The following TAFA1 variants were observed in gnomAD, a reference collection of about 807,000 sequenced individuals.
TAFA1 encodes the protein TAFA chemokine like family member 1, also known as chemokine-like protein TAFA-1.
In TAFA1, 4 loss-of-function variants were observed where a neutral mutation model predicts 18.5. The ratio of observed to expected loss-of-function variants is 0.22; its 90% CI spans 0.11 to 0.49. The LOEUF (loss-of-function observed/expected upper bound fraction) is 0.49. TAFA1 is among the 20% of genes least tolerant of loss of function. TAFA1 has a pLI of 0.98. For missense variants in TAFA1, 147 were observed against 169.0 expected (o/e 0.87, Z 0.72); for synonymous variants, 56 against 55.2 (o/e 1.01, Z -0.06).
At chr3:68,376,884 C>G (rs1235428496) in intron 2 of TAFA1, among the ~76,000 whole-genome samples, 1 of 152,148 alleles carries the variant, frequency 6.6e-6, no homozygotes, top group African/African-American at 2.4e-5. Flanking sequence ...CCATGCTATT[C>G]TCATGATAGT....
At chr3:68,305,413 A>C in intron 2 of TAFA1, among the ~76,000 whole-genome samples, 1 of 16,756 alleles carries the variant, frequency 6.0e-5, no homozygotes, top group Non-Finnish European at 1.3e-4. Context: ...ATATGACTAT[A>C]TATATATATA....
chr3:68,265,563 G>A (rs1480966637), intron 2 of TAFA1, among the ~76,000 whole-genome samples: 2 of 152,188 alleles, frequency 1.3e-5, no homozygotes, highest in Admixed American at 1.3e-4. Flanking sequence ...TGTCCCACTA[G>A]GGGAAGGAAC....
intron 2 of TAFA1, among the ~76,000 whole-genome samples, chr3:68,125,360 G>A (rs1281835303): frequency 6.6e-6 from 1 of 152,200 alleles, no homozygotes; most frequent in Non-Finnish European, 1.5e-5. Context: ...CTGCTATTGT[G>A]AATTTTGCTA....
intron 2 of TAFA1, among the ~76,000 whole-genome samples, chr3:68,366,085 CAAA>C (rs35861602): frequency 1.1e-5 from 1 of 93,846 alleles, no homozygotes; most frequent in Non-Finnish European, 2.1e-5. Context: ...GACTCCATCT[CAAA>C]AAAAAAAAAA....
chr3:68,405,582 T>A (rs1318341671), intron 2 of TAFA1, among the ~76,000 whole-genome samples: 3 of 150,894 alleles, frequency 2.0e-5, no homozygotes, highest in African/African-American at 4.9e-5. Context: ...TTCTTGCAGT[T>A]CCAGCTACAT....
chr3:68,171,241 T>C (rs1304923816), intron 2 of TAFA1, among the ~76,000 whole-genome samples: 2 of 138,552 alleles, frequency 1.4e-5, no homozygotes, highest in African/African-American at 2.7e-5. Context: ...ACTGAAATAG[T>C]CATTAATGAC....
intron 2 of TAFA1, among the ~76,000 whole-genome samples, chr3:68,409,000 T>A (rs1329467235): frequency 3.9e-5 from 6 of 152,158 alleles, no homozygotes; most frequent in South Asian, 2.1e-4. Flanking sequence ...CATTATTTTT[T>A]AAAAATCAAA....
At chr3:68,365,154 T>C (rs2069541350) in intron 2 of TAFA1, among the ~76,000 whole-genome samples, 1 of 152,184 alleles carries the variant, frequency 6.6e-6, no homozygotes, top group Admixed American at 6.5e-5. Context: ...GTATACATTG[T>C]ATAATGAATT....
chr3:68,274,926 A>G (rs2313274), intron 2 of TAFA1, among the ~76,000 whole-genome samples: 5,422 of 152,198 alleles, frequency 0.036, 310 homozygotes, highest in African/African-American at 0.12. Flanking sequence ...TTGTTGCAAA[A>G]TTAACATAGA....
At chr3:68,035,494 G>A (rs1303403032) in intron 2 of TAFA1, among the ~76,000 whole-genome samples, 1 of 151,958 alleles carries the variant, frequency 6.6e-6, no homozygotes, top group Non-Finnish European at 1.5e-5. Flanking sequence ...CTATTTCCAA[G>A]TATCTCATCT....
rs1318543970 is a variant in TAFA1, at chr3:68,006,735, C to T, written c.109C>T (p.His37Tyr). 1.1e-5 allele frequency: 17 copies of T among 1,612,390 alleles called. No individual in the cohort carries two copies. Among genetic ancestry groups the T allele is most frequent in the Non-Finnish European group, 1.4e-5 (16 of 1,178,472 alleles). Residue 37 changes from histidine (H) to tyrosine (Y), a missense_variant, in exon 2 of 5, where the codon CAC (histidine) becomes TAC (tyrosine). By Grantham distance (83) the His-to-Tyr change is moderately conservative. Transcript: ENST00000478136. ...LQHTFQQHHL[H>Y]RPEGGTCEVI... Reference sequence around the variant, plus strand: ...GCACACTTTCCAGCAGCATCACCTGCACAGACCAGGTAAGTCAGGAGCTGG... The same window carrying T: ...GCACACTTTCCAGCAGCATCACCTGTACAGACCAGGTAAGTCAGGAGCTGG...
chr3:68,484,097 C>A (rs2072289405), intron 3 of TAFA1, among the ~76,000 whole-genome samples: 1 of 152,252 alleles, frequency 6.6e-6, no homozygotes, highest in Non-Finnish European at 1.5e-5. Flanking sequence ...TACTGCTTTA[C>A]TCCAAATGCA....
intron 2 of TAFA1, among the ~76,000 whole-genome samples, chr3:68,379,128 C>T (rs2069878181): frequency 6.6e-6 from 1 of 152,198 alleles, no homozygotes; most frequent in South Asian, 2.1e-4. Context: ...CTCCCACCAA[C>T]AGAGTATAAG....
chr3:68,351,592 T>A (rs570441468), intron 2 of TAFA1, among the ~76,000 whole-genome samples: 32 of 152,068 alleles, frequency 2.1e-4, no homozygotes, highest in Admixed American at 2.1e-3. Context: ...AATTCCAGCT[T>A]ATATAGCATC....
At chr3:68,056,272 A>G (rs1474988299) in intron 2 of TAFA1, among the ~76,000 whole-genome samples, 1 of 152,142 alleles carries the variant, frequency 6.6e-6, no homozygotes, top group Non-Finnish European at 1.5e-5. Flanking sequence ...TCTGTTTCCT[A>G]GGACCACTTT....
At chr3:68,348,016 A>G (rs2069195029) in intron 2 of TAFA1, among the ~76,000 whole-genome samples, 1 of 152,072 alleles carries the variant, frequency 6.6e-6, no homozygotes, top group African/African-American at 2.4e-5. Flanking sequence ...TGATGCTGCC[A>G]TTTACTAACT....
chr3:68,497,209 C>A (rs1366769361), intron 3 of TAFA1, among the ~76,000 whole-genome samples: 1 of 152,172 alleles, frequency 6.6e-6, no homozygotes, highest in Non-Finnish European at 1.5e-5. Flanking sequence ...GCTTTATCAT[C>A]TCTAAGGCAG....
At position 68,538,794 on chromosome 3, in the gene TAFA1, C is replaced by A. The variant is rs753695302; in HGVS notation, c.298C>A (p.Pro100Thr). The A allele has an allele frequency of 6.2e-7, 1 of 1,613,400 alleles. No homozygotes were observed. Among genetic ancestry groups the A allele is most frequent in the Non-Finnish European group, 8.5e-7 (1 of 1,179,562 alleles). The change falls in exon 4 of 5, where the codon CCT becomes ACT. Residue 100 changes from proline to threonine, a missense_variant. Coordinates refer to ENST00000478136, the MANE Select transcript of TAFA1 (RefSeq NM_213609.4). Reference protein sequence around the residue: ...VIGKWWCEMEPCLEGEECKTL... With the variant: ...VIGKWWCEMETCLEGEECKTL... ...TGGGAAATGGTGGTGTGAGATGGAG[C>A]CTTGCCTAGAAGGAGAAGAATGTAA...
chr3:67,991,762 T>C, the TAFA1 span, among the ~76,000 whole-genome samples: 1 of 152,206 alleles, frequency 6.6e-6, no homozygotes, highest in East Asian at 1.9e-4. Context: ...GATCTCCAGC[T>C]TGCAGACAGC....
Sources: gnomAD v4.1 joint callset for allele counts (sites outside exome capture counted in the v4.1 genomes callset) on GRCh38, gnomAD v4.1.1 for gene constraint, MANE v1.5 for transcripts, NCBI Gene and HGNC (gene_info 2026-07-23, HGNC 2026-07-21) for gene names.